NFIB: variants seen among roughly 807,000 people sequenced by gnomAD.
NFIB encodes nuclear factor 1 B-type.
A neutral mutation model predicts 61.5 loss-of-function variants in NFIB; 11 were observed. That is an observed-to-expected ratio of 0.18 (90% CI 0.11 to 0.30). The LOEUF (loss-of-function observed/expected upper bound fraction) is 0.30. NFIB is among the 10% of genes least tolerant of loss of function. NFIB has a pLI of 1.00. For synonymous variants in NFIB, 260 were observed against 216.5 expected (o/e 1.20, Z -1.76); for missense variants, 471 against 608.9 (o/e 0.77, Z 2.38).
chr9:14,157,223 C>T (rs7871265), intron 3 of NFIB, among the ~76,000 whole-genome samples: 7,376 of 152,224 alleles, frequency 0.048, 461 homozygotes, highest in African/African-American at 0.15. Flanking sequence ...TACCGAATTA[C>T]GCACACTGGC....
the NFIB span, among the ~76,000 whole-genome samples, chr9:14,461,661 T>G: frequency 6.6e-6 from 1 of 152,220 alleles, no homozygotes; most frequent in Non-Finnish European, 1.5e-5. Flanking sequence ...ATCATCTCTT[T>G]TATGTATGGT....
the NFIB span, among the ~76,000 whole-genome samples, chr9:14,468,298 T>C: frequency 6.6e-6 from 1 of 152,226 alleles, no homozygotes; most frequent in Non-Finnish European, 1.5e-5. Context: ...GACAAAATGC[T>C]TGTAAAATGC....
rs760701412 is a variant in NFIB at position 14,202,400 on chromosome 9, G to T, written c.563-22620C>A. ...TTATCTTTCAGAATAGATGAAAGGG[G>T]TCTACTGACTAGTTCGGGAGCTGAA... On this transcript the variant is annotated intron_variant, in intron 2 of 10. Coordinates refer to ENST00000380953, the MANE Select transcript of NFIB (RefSeq NM_001190737.2). Among the ~76,000 whole-genome samples the T allele has an allele frequency of 3.3e-5, 5 of 152,160 alleles. No homozygotes were observed. The South Asian group carries it at 8.3e-4, about 25-fold the overall frequency.
chr9:14,299,796 A>G (rs2059651083), intron 2 of NFIB, among the ~76,000 whole-genome samples: 1 of 152,252 alleles, frequency 6.6e-6, no homozygotes, highest in Admixed American at 6.5e-5. Flanking sequence ...GTGTTTTACT[A>G]TAAACAATAT....
intron 6 of NFIB, among the ~76,000 whole-genome samples, chr9:14,127,930 T>C (rs1438634624): frequency 2.2e-5 from 3 of 137,390 alleles, no homozygotes; most frequent in African/African-American, 5.6e-5. Context: ...GTATATCTTT[T>C]TCAAAAAAAA....
intron 10 of NFIB, among the ~76,000 whole-genome samples, chr9:14,089,925 A>G (rs1014515623): frequency 6.6e-6 from 1 of 152,196 alleles, no homozygotes; most frequent in Non-Finnish European, 1.5e-5. Context: ...TCAAAACAAT[A>G]TCACAACGAC....
At chr9:14,287,690 G>C (rs2058810062) in intron 2 of NFIB, among the ~76,000 whole-genome samples, 1 of 151,912 alleles carries the variant, frequency 6.6e-6, no homozygotes, top group East Asian at 2.0e-4. Flanking sequence ...ACAGTGCTGG[G>C]ATTACAGGCA....
the NFIB span, among the ~76,000 whole-genome samples, chr9:14,422,673 G>T: frequency 6.6e-6 from 1 of 152,214 alleles, no homozygotes; most frequent in Non-Finnish European, 1.5e-5. Flanking sequence ...GCTCAGCATA[G>T]GTCATGGGTC....
chr9:14,470,158 G>C, the NFIB span, among the ~76,000 whole-genome samples: 13 of 152,164 alleles, frequency 8.5e-5, no homozygotes, highest in Admixed American at 6.5e-5. Context: ...GGACTAAAAT[G>C]AGTTCATGCA....
the NFIB span, among the ~76,000 whole-genome samples, chr9:14,507,071 T>A: frequency 2.6e-5 from 4 of 152,222 alleles, no homozygotes; most frequent in African/African-American, 7.2e-5. Flanking sequence ...TAAAATCATT[T>A]AAAAAAGTTT....
At chr9:14,231,453 C>T (rs1189778974) in intron 2 of NFIB, among the ~76,000 whole-genome samples, 1 of 151,992 alleles carries the variant, frequency 6.6e-6, no homozygotes, top group East Asian at 1.9e-4. Flanking sequence ...AAGCCCAATC[C>T]TGCCTGAATA....
intron 1 of NFIB, among the ~76,000 whole-genome samples, chr9:14,387,354 A>T (rs148426901): frequency 2.0e-5 from 3 of 152,224 alleles, no homozygotes; most frequent in African/African-American, 4.8e-5. Flanking sequence ...CATGAGCCTC[A>T]CATTTCTCCA....
chr9:14,098,934 G>GAAT (rs2035302681), intron 10 of NFIB, among the ~76,000 whole-genome samples: 1 of 152,210 alleles, frequency 6.6e-6, no homozygotes, highest in Non-Finnish European at 1.5e-5. Flanking sequence ...GTTCCTAAGG[G>GAAT]AATGCTTAAG....
chr9:14,191,925 C>G (rs953639008), intron 2 of NFIB, among the ~76,000 whole-genome samples: 1 of 152,244 alleles, frequency 6.6e-6, no homozygotes, highest in African/African-American at 2.4e-5. Flanking sequence ...ATGCTGCATA[C>G]TCAACCTCCA....
chr9:14,216,229 T>C (rs905325640), intron 2 of NFIB, among the ~76,000 whole-genome samples: 20 of 152,194 alleles, frequency 1.3e-4, no homozygotes, highest in African/African-American at 4.6e-4. Flanking sequence ...AATAACAAAC[T>C]ATATAAATAA....
At chr9:14,501,151 T>C in the NFIB span, among the ~76,000 whole-genome samples, 1 of 152,206 alleles carries the variant, frequency 6.6e-6, no homozygotes, top group Non-Finnish European at 1.5e-5. Context: ...GAACAGAAAG[T>C]TCCAGAAGAT....
chr9:14,114,415 G>A (rs1438879750), intron 9 of NFIB, among the ~76,000 whole-genome samples: 3 of 152,010 alleles, frequency 2.0e-5, no homozygotes, highest in Non-Finnish European at 4.4e-5. Flanking sequence ...TGGCTTCTGT[G>A]TTTTCTTTGA....
chr9:14,153,904 C>G (rs551220693), intron 4 of NFIB, among the ~76,000 whole-genome samples: 1 of 152,034 alleles, frequency 6.6e-6, no homozygotes, highest in Non-Finnish European at 1.5e-5. Flanking sequence ...TCAGAGACAC[C>G]TATTTACATA....
the NFIB span, among the ~76,000 whole-genome samples, chr9:14,474,513 C>T: frequency 2.6e-5 from 4 of 152,130 alleles, no homozygotes; most frequent in Non-Finnish European, 5.9e-5. Context: ...AAATTTATGT[C>T]CTCCCATTTG....
Sources: allele counts gnomAD v4.1 joint callset (sites outside exome capture counted in the v4.1 genomes callset), GRCh38; gene constraint gnomAD v4.1.1; transcripts MANE v1.5; gene names NCBI Gene and HGNC (gene_info 2026-07-23, HGNC 2026-07-21).